Variants in COL4A2 observed in about 807,000 individuals in gnomAD.
COL4A2 encodes collagen alpha-2(IV) chain.
A neutral mutation model predicts 200.2 loss-of-function variants in COL4A2; 99 were observed. That is an observed-to-expected ratio of 0.49 (90% CI 0.42 to 0.58). COL4A2 has a LOEUF of 0.58. Ranked by LOEUF, COL4A2 falls within the 20% of genes least tolerant of loss-of-function variation. The pLI is 0.00. For synonymous variants in COL4A2, 897 were observed against 900.6 expected (o/e 1.00, Z 0.07); for missense variants, 1,950 against 2,314.1 (o/e 0.84, Z 3.23).
At chr13:110,425,214 A>C (rs1478515922) in intron 6 of COL4A2, among the ~76,000 whole-genome samples, 1 of 152,204 alleles carries the variant, frequency 6.6e-6, no homozygotes, top group East Asian at 1.9e-4. Context: ...TTCAGAATTG[A>C]GACGATTTTG....
At chr13:110,472,785 G>C in intron 28 of COL4A2, 144 bp from the exon 29 acceptor site, 1 of 679,414 alleles carries the variant, frequency 1.5e-6, no homozygotes, top group Non-Finnish European at 2.5e-6. Flanking sequence ...CAAAAAGGGC[G>C]ACAGGGACAA....
At chr13:110,319,049 G>T (rs1291533826) in intron 3 of COL4A2, among the ~76,000 whole-genome samples, 1 of 152,010 alleles carries the variant, frequency 6.6e-6, no homozygotes, top group South Asian at 2.1e-4. Context: ...AGTCATCTTA[G>T]CCTAGAGTTA....
chr13:110,375,580 G>A (rs955370778), intron 4 of COL4A2, among the ~76,000 whole-genome samples: 13 of 152,024 alleles, frequency 8.6e-5, no homozygotes, highest in Admixed American at 3.3e-4. Context: ...CTGTAATCCC[G>A]GCACTTTGGG....
At chr13:110,462,234 G>C in intron 23 of COL4A2, 44 bp from the exon 24 acceptor site, 1 of 1,614,262 alleles carries the variant, frequency 6.2e-7, no homozygotes, top group Non-Finnish European at 8.5e-7. Flanking sequence ...GAGCCTTCCT[G>C]TGGGCACCTG....
At chr13:110,448,208 T>TA (rs1470560128) in intron 18 of COL4A2, among the ~76,000 whole-genome samples, 1 of 152,174 alleles carries the variant, frequency 6.6e-6, no homozygotes, top group African/African-American at 2.4e-5. Context: ...AAAAAGGAAA[T>TA]ATGCTGTTTG....
chr13:110,363,881 A>G (rs1277318906), intron 4 of COL4A2, among the ~76,000 whole-genome samples: 1 of 152,126 alleles, frequency 6.6e-6, no homozygotes, highest in Non-Finnish European at 1.5e-5. Flanking sequence ...TTGTATTTGT[A>G]GTAGAGATGG....
chr13:110,338,275 G>C (rs1228175786), intron 3 of COL4A2, among the ~76,000 whole-genome samples: 1 of 152,138 alleles, frequency 6.6e-6, no homozygotes, highest in Non-Finnish European at 1.5e-5. Flanking sequence ...AGGCTCCAAT[G>C]GTGAGCTTCT....
chr13:110,495,261 C>T lies in COL4A2; in HGVS notation c.3635-81C>T. 5.1e-6 allele frequency: 8 copies of T among 1,567,132 alleles called. No homozygotes were observed. In the South Asian group the frequency reaches 8.9e-5, roughly 18 times the overall value. ...CTCTGTTTCTTTGCTTTTGAGGCAC[C>T]CCAAGCTGTTCTTTCACTTAGGAAA... On this transcript the variant is annotated intron_variant, in intron 39 of 47. Transcript: ENST00000360467.
chr13:110,372,224 G>A (rs910524401), intron 4 of COL4A2, among the ~76,000 whole-genome samples: 1 of 152,182 alleles, frequency 6.6e-6, no homozygotes, highest in Non-Finnish European at 1.5e-5. Context: ...GAGAGAGGGG[G>A]CAGAGGACCC....
intron 8 of COL4A2, 107 bp from the exon 9 acceptor site, chr13:110,430,294 T>C (rs1880626984): frequency 1.4e-6 from 2 of 1,447,108 alleles, no homozygotes; most frequent in Admixed American, 2.3e-5. Flanking sequence ...TAGGTCCTGA[T>C]AGGGCTGATC....
chr13:110,360,042 T>C (rs751931834), intron 4 of COL4A2, among the ~76,000 whole-genome samples: 7 of 152,250 alleles, frequency 4.6e-5, no homozygotes, highest in Admixed American at 3.3e-4. Flanking sequence ...TTTCACAAGA[T>C]GTAAAATTCC....
intron 11 of COL4A2, 27 bp downstream of exon 11, chr13:110,432,387 G>A (rs1880715881): frequency 1.9e-6 from 3 of 1,597,368 alleles, no homozygotes; most frequent in East Asian, 2.3e-5. Context: ...GGGTGAGGAT[G>A]AGGGAAGGGG....
intron 4 of COL4A2, among the ~76,000 whole-genome samples, chr13:110,401,085 G>T (rs1022423061): frequency 4.6e-5 from 7 of 152,274 alleles, no homozygotes; most frequent in African/African-American, 1.7e-4. Flanking sequence ...ATAGCTGACT[G>T]TCCCATCCAA....
chr13:110,328,230 C>T (rs968547085), intron 3 of COL4A2: 1 of 152,342 alleles, frequency 6.6e-6, no homozygotes, highest in Non-Finnish European at 1.5e-5. Context: ...TTGTTTAATT[C>T]GTCCTGAAGA....
chr13:110,403,565 C>T (rs1352050382), intron 4 of COL4A2, among the ~76,000 whole-genome samples: 1 of 152,166 alleles, frequency 6.6e-6, no homozygotes, highest in Non-Finnish European at 1.5e-5. Context: ...ACATTCTGAT[C>T]ATGACCACTT....
intron 4 of COL4A2, among the ~76,000 whole-genome samples, chr13:110,363,156 C>T (rs1446233451): frequency 2.6e-5 from 4 of 152,180 alleles, no homozygotes; most frequent in East Asian, 1.9e-4. Context: ...AGCCCCTGAA[C>T]GAGTGAGTGG....
intron 3 of COL4A2, among the ~76,000 whole-genome samples, chr13:110,310,275 T>G (rs763653982): frequency 6.6e-6 from 1 of 152,146 alleles, no homozygotes; most frequent in Non-Finnish European, 1.5e-5. Flanking sequence ...ACCTAAACCC[T>G]GAAAGGCTTG....
In COL4A2 at chr13:110,425,566, G is replaced by A. The variant is rs115176880; in HGVS notation, c.360+569G>A. 3.0e-3 allele frequency among the ~76,000 whole-genome samples: 454 copies of A among 152,274 alleles called. 2 individuals are homozygous for A. Among genetic ancestry groups the A allele is most frequent in the African/African-American group, 9.0e-3 (375 of 41,558 alleles). ...CACAGCCTTCTTCACAGGGACCCAC[G>A]AGCAGATTTCCCAGGGTTGGCTTCC... is the stretch of plus-strand genomic sequence containing the variant. On this transcript the variant is annotated intron_variant, in intron 6 of 47. Transcript: ENST00000360467.
At chr13:110,417,884 G>T (rs190533393) in intron 4 of COL4A2, among the ~76,000 whole-genome samples, 28 of 151,990 alleles carry the variant, frequency 1.8e-4, no homozygotes, top group Non-Finnish European at 3.7e-4. Flanking sequence ...TCTCGGTGTG[G>T]ATATAGGCCT....
Sources: gnomAD v4.1 joint callset for allele counts (sites outside exome capture counted in the v4.1 genomes callset) on GRCh38, gnomAD v4.1.1 for gene constraint, MANE v1.5 for transcripts, NCBI Gene and HGNC (gene_info 2026-07-23, HGNC 2026-07-21) for gene names.